Variants in GDPD5 observed in about 807,000 individuals in gnomAD.
GDPD5 encodes the protein glycerophosphodiester phosphodiesterase domain containing 5, also known as glycerophosphodiester phosphodiesterase 2.
GDPD5 carries 48 observed loss-of-function variants against 75.1 expected under a neutral mutation model. The observed-to-expected ratio is 0.64, with a 90% CI of 0.51 to 0.81. GDPD5 has a LOEUF of 0.81. Ranked by LOEUF, GDPD5 falls within the 40% of genes least tolerant of loss-of-function variation. The pLI is 0.00. For missense variants in GDPD5, 706 were observed against 822.6 expected, an observed-to-expected ratio of 0.86 and a Z score of 1.73; for synonymous variants, 336 against 339.0, an observed-to-expected ratio of 0.99 and a Z score of 0.10.
chr11:75,504,486 CGCCTGAACAAAGAAGGGGATCCA>C (rs1950355572), intron 1 of GDPD5, among the ~76,000 whole-genome samples: 1 of 152,188 alleles, frequency 6.6e-6, no homozygotes, highest in African/African-American at 2.4e-5. Flanking sequence ...AGCAGCACTC[CGCCTGAACAAAGAAGGGGATCCA>C]GCCACATGCT....
chr11:75,468,362 C>T (rs190131110), intron 3 of GDPD5, among the ~76,000 whole-genome samples: 1 of 152,188 alleles, frequency 6.6e-6, no homozygotes, highest in Admixed American at 6.5e-5. Context: ...CCCTACTCTA[C>T]TCCACTGGCT....
intron 3 of GDPD5, among the ~76,000 whole-genome samples, chr11:75,463,222 C>G (rs746110065): frequency 6.6e-6 from 1 of 152,210 alleles, no homozygotes; most frequent in Non-Finnish European, 1.5e-5. Flanking sequence ...GCACAGTGAT[C>G]GGCAGTCTGT....
At chr11:75,476,390 C>A (rs1331901610) in intron 3 of GDPD5, among the ~76,000 whole-genome samples, 1 of 151,314 alleles carries the variant, frequency 6.6e-6, no homozygotes. Context: ...CTCCAGTTCA[C>A]CGTTGAGGGA....
chr11:75,512,175 A>G (rs936162554), intron 1 of GDPD5, among the ~76,000 whole-genome samples: 1 of 152,156 alleles, frequency 6.6e-6, no homozygotes, highest in Admixed American at 6.5e-5. Flanking sequence ...AGGCTCACCA[A>G]TGGCTGACTG....
chr11:75,497,753 T>C (rs947558663), intron 1 of GDPD5, among the ~76,000 whole-genome samples: 1 of 152,168 alleles, frequency 6.6e-6, no homozygotes, highest in Non-Finnish European at 1.5e-5. Context: ...GGGGCTTAAT[T>C]CAAGTTCTGA....
chr11:75,450,231 C>A (rs541433657), intron 6 of GDPD5, among the ~76,000 whole-genome samples: 2 of 151,918 alleles, frequency 1.3e-5, no homozygotes, highest in South Asian at 2.1e-4. Context: ...GAAGGGACAG[C>A]GAGAAATGGA....
At chr11:75,477,504 G>A in intron 3 of GDPD5, 115 bp downstream of exon 3, 1 of 504,794 alleles carries the variant, frequency 2.0e-6, no homozygotes, top group Non-Finnish European at 3.5e-6. Flanking sequence ...AACCCAGAAA[G>A]GCCATTGGCC....
chr11:75,473,240 AG>A (rs918673756), intron 3 of GDPD5, among the ~76,000 whole-genome samples: 28 of 151,782 alleles, frequency 1.8e-4, no homozygotes, highest in African/African-American at 6.5e-4. Context: ...GGGGTTAGGG[AG>A]GCTTATTTGT....
intron 1 of GDPD5, among the ~76,000 whole-genome samples, chr11:75,506,335 C>A (rs368624693): frequency 6.6e-6 from 1 of 152,188 alleles, no homozygotes; most frequent in East Asian, 1.9e-4. Context: ...GATGAACTTA[C>A]TTGATAGGAA....
intron 1 of GDPD5, among the ~76,000 whole-genome samples, chr11:75,508,694 T>C (rs1022478337): frequency 2.0e-5 from 3 of 152,188 alleles, no homozygotes; most frequent in Non-Finnish European, 4.4e-5. Flanking sequence ...TCCCCCACTG[T>C]GGCCCCCATG....
rs1442763696 is a variant in GDPD5, at chr11:75,443,150, G to C, written c.934C>G (p.Gln312Glu). 8 of 1,602,806 alleles carry C rather than the reference G, an allele frequency of 5.0e-6. No homozygotes were observed. The highest frequency in any genetic ancestry group is 1.1e-5 in the South Asian group (1 of 88,786). Residue 312 changes from glutamine (Q) to glutamate (E), a missense_variant, in exon 11 of 17, where the codon CAG becomes GAG. By Grantham distance (29) the Gln-to-Glu change is conservative (BLOSUM62 2). Coordinates refer to ENST00000336898, the MANE Select transcript of GDPD5 (RefSeq NM_030792.8). ...WTTLQRLNAG[Q>E]WFLKTDPFWT... Reference sequence around the variant, plus strand: ...TGCAGCCAGACCTTCAGGAACCACTGGCCAGCGTTGAGTCTCTGCAGGGTG... The same window carrying C: ...TGCAGCCAGACCTTCAGGAACCACTCGCCAGCGTTGAGTCTCTGCAGGGTG...
At chr11:75,476,666 G>A (rs1672233260) in intron 3 of GDPD5, among the ~76,000 whole-genome samples, 1 of 152,172 alleles carries the variant, frequency 6.6e-6, no homozygotes, top group South Asian at 2.1e-4. Context: ...CCGGGAGTGG[G>A]GAGATGGCAA....
rs2135219128 is a variant in GDPD5, at chr11:75,449,587, C to T, written c.498G>A (p.Val166=). 6.3e-7 allele frequency: 1 copy of T among 1,586,426 alleles called. No homozygotes were observed. The highest frequency in any genetic ancestry group is 2.3e-5 in the East Asian group (1 of 43,882). ...GCATGGTGACTGCTGCCACAGCCCCCACATGCAGGAATGGCGCTGTGCCCT... is the reference window on the plus strand; with the variant it reads ...GCATGGTGACTGCTGCCACAGCCCCTACATGCAGGAATGGCGCTGTGCCCT... ...SLQGTAPFLH[V]GAVAAVTMLS... Residue 166 remains valine (V), a synonymous_variant, in exon 8 of 17, where the codon GTG becomes GTA. Transcript: ENST00000336898.
chr11:75,437,844 C>T (rs1403574711), intron 15 of GDPD5: 1 of 152,260 alleles, frequency 6.6e-6, no homozygotes, highest in African/African-American at 2.4e-5. Context: ...TGAACTAGCC[C>T]CAGTCCCTGG....
At chr11:75,453,793 A>G (rs1307344926) in intron 6 of GDPD5, among the ~76,000 whole-genome samples, 1 of 152,216 alleles carries the variant, frequency 6.6e-6, no homozygotes, top group Admixed American at 6.5e-5. Context: ...TAAAGGACAA[A>G]TTCTCAGTAG....
rs567648223 is a variant in GDPD5, at chr11:75,515,430, C to G, written c.-145+9780G>C. ...CCCACCTAACTCCACACCCAGACTCCCCATCACAAGGCCTGGCAGCATTTG... is the reference window on the plus strand; with the variant it reads ...CCCACCTAACTCCACACCCAGACTCGCCATCACAAGGCCTGGCAGCATTTG... On this transcript the variant is annotated intron_variant, in intron 1 of 16. Transcript: ENST00000336898. 3.3e-5 allele frequency among the ~76,000 whole-genome samples: 5 copies of G among 152,344 alleles called. No individual in the cohort carries two copies. In the East Asian group the frequency reaches 9.6e-4, roughly 29 times the overall value.
intron 11 of GDPD5, chr11:75,442,877 C>A (rs1022548044): frequency 8.3e-6 from 5 of 604,202 alleles, no homozygotes; most frequent in African/African-American, 5.6e-5. Flanking sequence ...TAGAGTTTTA[C>A]AGAGTTAAGA....
intron 12 of GDPD5, 57 bp downstream of exon 12, chr11:75,442,306 G>A: frequency 7.6e-7 from 1 of 1,323,278 alleles, no homozygotes; most frequent in Non-Finnish European, 1.0e-6. Flanking sequence ...CTATGCAGCA[G>A]CAGGGCTCTA....
intron 15 of GDPD5, among the ~76,000 whole-genome samples, chr11:75,439,164 G>A (rs1438049221): frequency 6.6e-5 from 10 of 152,208 alleles, no homozygotes; most frequent in South Asian, 2.1e-4. Flanking sequence ...GCAGTGGGAC[G>A]GGAGGAGCAG....
Sources: gnomAD v4.1 joint callset for allele counts (sites outside exome capture counted in the v4.1 genomes callset) on GRCh38, gnomAD v4.1.1 for gene constraint, MANE v1.5 for transcripts, NCBI Gene and HGNC (gene_info 2026-07-23, HGNC 2026-07-21) for gene names.